The following NAV3 variants were observed in gnomAD, a reference collection of about 807,000 sequenced individuals.
The protein encoded by NAV3 is pore membrane and/or filament interacting like protein 1.
NAV3 carries 87 observed loss-of-function variants against 244.7 expected under a neutral mutation model. The ratio of observed to expected loss-of-function variants is 0.36; its 90% CI spans 0.30 to 0.42. The LOEUF (loss-of-function observed/expected upper bound fraction) is 0.42, where lower values mean the gene tolerates loss of function less well. NAV3 is among the 20% of genes least tolerant of loss of function. The pLI is 1.00. For missense variants in NAV3, 2,663 were observed against 2,893.3 expected, an observed-to-expected ratio of 0.92 and a Z score of 1.83; for synonymous variants, 1,126 against 1,042.2, an observed-to-expected ratio of 1.08 and a Z score of -1.55.
chr12:78,091,398 G>C (rs143391450), intron 12 of NAV3: 3 of 152,228 alleles, frequency 2.0e-5, no homozygotes, highest in African/African-American at 7.2e-5. Context: ...AAAAGTTCAG[G>C]AATTGATTCT....
At chr12:77,803,873 G>A (rs1871839218) in intron 2 of NAV3, among the ~76,000 whole-genome samples, 1 of 152,156 alleles carries the variant, frequency 6.6e-6, no homozygotes, top group South Asian at 2.1e-4. Flanking sequence ...TTTCTTTAAT[G>A]ACCACTGATG....
At chr12:77,613,994 A>T (rs117998209) in intron 2 of NAV3, among the ~76,000 whole-genome samples, 3,782 of 151,678 alleles carry the variant, frequency 0.025, 62 homozygotes, top group Middle Eastern at 0.086. Flanking sequence ...TTGTCTTTCA[A>T]CACATATGGA....
In NAV3 at chr12:78,053,019, G is replaced by T. The variant is rs144020445; in HGVS notation, c.2516+1872G>T. 9.3e-4 allele frequency among the ~76,000 whole-genome samples: 142 copies of T among 151,992 alleles called. 1 individual carries two copies. The East Asian group carries it at 0.026, about 27-fold the overall frequency. On this transcript the variant is annotated intron_variant, in intron 11 of 39. Transcript: ENST00000397909. ...GGATCGCCTGAGGTCAGGAGTTCAA[G>T]ACCAGCCTGCCCAACATGGCAAAAA...
chr12:77,906,026 C>G (rs145940372), intron 1 of NAV3, among the ~76,000 whole-genome samples: 47 of 152,208 alleles, frequency 3.1e-4, no homozygotes, highest in African/African-American at 9.6e-4. Flanking sequence ...CTGATCTAAG[C>G]TATACCAATT....
At chr12:78,126,015 C>A (rs933262749) in intron 16 of NAV3, among the ~76,000 whole-genome samples, 1 of 152,126 alleles carries the variant, frequency 6.6e-6, no homozygotes, top group African/African-American at 2.4e-5. Context: ...TTGGAGATTT[C>A]TCATATTTGT....
chr12:77,732,859 A>T (rs1201817426), intron 2 of NAV3, among the ~76,000 whole-genome samples: 31 of 152,024 alleles, frequency 2.0e-4, no homozygotes, highest in Non-Finnish European at 1.5e-5. Context: ...AAAGCAGAGG[A>T]ATTGAGAGTA....
At chr12:77,579,281 C>A (rs1276085856) in intron 2 of NAV3, among the ~76,000 whole-genome samples, 2 of 152,316 alleles carry the variant, frequency 1.3e-5, no homozygotes, top group Non-Finnish European at 1.5e-5. Context: ...AAGATGGGAA[C>A]CCTGTTAGTT....
chr12:77,636,230 C>G (rs566125627), intron 2 of NAV3, among the ~76,000 whole-genome samples: 9 of 152,102 alleles, frequency 5.9e-5, no homozygotes, highest in Admixed American at 5.9e-4. Context: ...CTTTGGCAGG[C>G]CAAGGCTCCC....
chr12:78,208,499 G>A (rs965386291), intron 39 of NAV3, among the ~76,000 whole-genome samples: 5 of 152,158 alleles, frequency 3.3e-5, no homozygotes, highest in Non-Finnish European at 7.4e-5. Context: ...GAATTGTGAT[G>A]TATCACGATA....
chr12:78,027,127 A>C (rs1360457313), intron 9 of NAV3, among the ~76,000 whole-genome samples: 3 of 152,190 alleles, frequency 2.0e-5, no homozygotes, highest in Non-Finnish European at 4.4e-5. Flanking sequence ...CTGGGATTTT[A>C]AGACAGCACA....
intron 12 of NAV3, among the ~76,000 whole-genome samples, chr12:78,061,401 A>G (rs1005919101): frequency 2.6e-5 from 4 of 152,212 alleles, no homozygotes; most frequent in African/African-American, 9.6e-5. Context: ...TTTAAATTAG[A>G]TCAAATAATG....
At chr12:77,962,787 G>GGAAGCAC (rs1892145996) in intron 3 of NAV3, among the ~76,000 whole-genome samples, 1 of 152,124 alleles carries the variant, frequency 6.6e-6, no homozygotes, top group East Asian at 1.9e-4. Flanking sequence ...ACAGAAGACA[G>GGAAGCAC]TACAGTGCAC....
At chr12:77,985,580 T>G (rs1870357749) in intron 5 of NAV3, among the ~76,000 whole-genome samples, 1 of 152,254 alleles carries the variant, frequency 6.6e-6, no homozygotes, top group Non-Finnish European at 1.5e-5. Context: ...CTTTTTTTTT[T>G]TGTATGTAGA....
intron 9 of NAV3, among the ~76,000 whole-genome samples, chr12:78,025,027 C>T (rs1877790013): frequency 6.6e-6 from 1 of 151,932 alleles, no homozygotes; most frequent in Non-Finnish European, 1.5e-5. Flanking sequence ...CAAATTTGTC[C>T]TCAAGTACTG....
At chr12:78,190,278 C>T in intron 34 of NAV3, 59 bp downstream of exon 34, 3 of 1,396,632 alleles carry the variant, frequency 2.1e-6, no homozygotes, top group Non-Finnish European at 3.0e-6. Flanking sequence ...TTTAAGCAAT[C>T]AAATTATAAG....
chr12:77,662,021 C>T (rs1398627017), intron 2 of NAV3, among the ~76,000 whole-genome samples: 2 of 128,852 alleles, frequency 1.6e-5, no homozygotes, highest in Non-Finnish European at 3.0e-5. Context: ...ATTATTTTAA[C>T]TATTCTAGGT....
chr12:77,864,231 A>G (rs1423917232), intron 1 of NAV3, among the ~76,000 whole-genome samples: 1 of 151,452 alleles, frequency 6.6e-6, no homozygotes, highest in African/African-American at 2.4e-5. Flanking sequence ...GCATTCTGCC[A>G]ACTTGTATTT....
At chr12:78,063,059 T>C (rs953265092) in intron 12 of NAV3, among the ~76,000 whole-genome samples, 1 of 152,192 alleles carries the variant, frequency 6.6e-6, no homozygotes, top group African/African-American at 2.4e-5. Context: ...TTTGATCAAC[T>C]TCTGGTTAAA....
At chr12:78,161,623 T>A (rs1957549891) in intron 23 of NAV3, among the ~76,000 whole-genome samples, 1 of 152,106 alleles carries the variant, frequency 6.6e-6, no homozygotes, top group African/African-American at 2.4e-5. Context: ...GTCTACATTA[T>A]CCTTAAAATA....
Sources: gnomAD v4.1 joint callset for allele counts (sites outside exome capture counted in the v4.1 genomes callset) on GRCh38, gnomAD v4.1.1 for gene constraint, MANE v1.5 for transcripts, NCBI Gene and HGNC (gene_info 2026-07-23, HGNC 2026-07-21) for gene names.